The following BMP2K variants were observed in gnomAD, a reference collection of about 807,000 sequenced individuals.
BMP2K encodes the protein BMP2 inducible kinase.
Under a neutral mutation model 116.0 loss-of-function variants are expected in BMP2K, and 74 were observed. The observed-to-expected ratio is 0.64, with a 90% CI of 0.53 to 0.77. The LOEUF (loss-of-function observed/expected upper bound fraction) is 0.77, where lower values mean the gene tolerates loss of function less well. Among genes scored for constraint, BMP2K ranks in the 30% least tolerant of loss-of-function variants. BMP2K has a pLI of 0.00. For missense variants in BMP2K, 1,365 were observed against 1,403.6 expected, an observed-to-expected ratio of 0.97 and a Z score of 0.44; for synonymous variants, 486 against 502.5, an observed-to-expected ratio of 0.97 and a Z score of 0.44.
intron 13 of BMP2K, among the ~76,000 whole-genome samples, chr4:78,876,955 T>TATATGTTTAGC (rs1317731662): frequency 2.0e-5 from 3 of 152,206 alleles, no homozygotes; most frequent in Non-Finnish European, 4.4e-5. Context: ...AGCATGTTAC[T>TATATGTTTAGC]ATATTTAGTA....
chr4:78,871,789 TA>T, intron 11 of BMP2K, 60 bp from the exon 12 acceptor site: 6 of 1,142,324 alleles, frequency 5.3e-6, no homozygotes, highest in Non-Finnish European at 7.8e-6. Flanking sequence ...ATCAATACTT[TA>T]AAAAAGGGCT....
At chr4:78,888,194 T>A (rs1733207329) in intron 15 of BMP2K, 1 of 152,202 alleles carries the variant, frequency 6.6e-6, no homozygotes, top group Admixed American at 6.5e-5. Context: ...TACTCCATAT[T>A]TTTCTCTTTG....
intron 15 of BMP2K, among the ~76,000 whole-genome samples, chr4:78,908,896 T>C (rs192203545): frequency 3.3e-5 from 5 of 152,248 alleles, no homozygotes; most frequent in Non-Finnish European, 7.4e-5. Flanking sequence ...CTTTTCTTTC[T>C]GTTAATGGTG....
chr4:78,904,006 G>A (rs1734155106), intron 15 of BMP2K, among the ~76,000 whole-genome samples: 1 of 151,904 alleles, frequency 6.6e-6, no homozygotes, highest in Non-Finnish European at 1.5e-5. Context: ...CGTATAAAAA[G>A]ATGTTGGACT....
intron 15 of BMP2K, among the ~76,000 whole-genome samples, chr4:78,889,689 G>A (rs998782549): frequency 8.5e-5 from 13 of 152,276 alleles, no homozygotes; most frequent in African/African-American, 3.1e-4. Context: ...AGCATCTGGA[G>A]ATTTCTAGGA....
At chr4:78,786,987 C>CA (rs1167562108) in intron 1 of BMP2K, among the ~76,000 whole-genome samples, 3 of 152,128 alleles carry the variant, frequency 2.0e-5, no homozygotes, top group Non-Finnish European at 4.4e-5. Context: ...CTCCTGGCCT[C>CA]AAGTGGTCCT....
At chr4:78,893,279 T>C (rs977855490) in intron 15 of BMP2K, among the ~76,000 whole-genome samples, 1 of 152,208 alleles carries the variant, frequency 6.6e-6, no homozygotes, top group African/African-American at 2.4e-5. Flanking sequence ...ACTGCAACAA[T>C]TCAGTCACAT....
At chr4:78,802,419 C>T (rs888708916) in intron 1 of BMP2K, among the ~76,000 whole-genome samples, 9 of 152,182 alleles carry the variant, frequency 5.9e-5, no homozygotes, top group African/African-American at 1.4e-4. Context: ...TAATCTGCCA[C>T]GTTTCTAGGA....
intron 3 of BMP2K, among the ~76,000 whole-genome samples, chr4:78,839,247 G>A (rs191060342): frequency 2.8e-4 from 42 of 152,170 alleles, no homozygotes; most frequent in Non-Finnish European, 5.1e-4. Flanking sequence ...TCTGCTTCAC[G>A]TGTCCGTCAT....
intron 1 of BMP2K, among the ~76,000 whole-genome samples, chr4:78,791,673 A>G (rs933518983): frequency 2.0e-5 from 3 of 152,158 alleles, no homozygotes; most frequent in Non-Finnish European, 2.9e-5. Context: ...TGACTATTCT[A>G]GGTATCTTAT....
intron 1 of BMP2K, among the ~76,000 whole-genome samples, chr4:78,778,917 A>G (rs1727374254): frequency 6.6e-6 from 1 of 152,226 alleles, no homozygotes; most frequent in Admixed American, 6.5e-5. Flanking sequence ...ACCAAAGCAC[A>G]GACTTGGTAG....
intron 15 of BMP2K, among the ~76,000 whole-genome samples, chr4:78,905,287 A>G (rs1165908006): frequency 2.0e-5 from 3 of 151,948 alleles, no homozygotes; most frequent in Non-Finnish European, 2.9e-5. Context: ...TTCCTAAGAT[A>G]ATAAAAAAGC....
intron 4 of BMP2K, among the ~76,000 whole-genome samples, chr4:78,843,765 T>A (rs996599539): frequency 6.6e-6 from 1 of 151,734 alleles, no homozygotes; most frequent in Admixed American, 6.6e-5. Flanking sequence ...CCCCTAATAA[T>A]TTGATACCAT....
intron 13 of BMP2K, 49 bp from the exon 14 acceptor site, chr4:78,878,685 T>G: frequency 7.0e-7 from 1 of 1,435,144 alleles, no homozygotes; most frequent in East Asian, 2.4e-5. Flanking sequence ...TTTTATTTAT[T>G]TTAATTTTTC....
At chr4:78,833,448 A>G in intron 2 of BMP2K, 134 bp from the exon 3 acceptor site, 1 of 520,370 alleles carries the variant, frequency 1.9e-6, no homozygotes, top group Non-Finnish European at 3.2e-6. Context: ...CTTGCTTGAA[A>G]TATGTTAGAT....
At chr4:78,812,493 CTG>C (rs770179699) in intron 1 of BMP2K, among the ~76,000 whole-genome samples, 4 of 152,202 alleles carry the variant, frequency 2.6e-5, no homozygotes, top group Non-Finnish European at 5.9e-5. Flanking sequence ...ATGTCCAAAA[CTG>C]TGCTGTTGAT....
At chr4:78,799,941 C>A (rs72659097) in intron 1 of BMP2K, among the ~76,000 whole-genome samples, 1 of 151,950 alleles carries the variant, frequency 6.6e-6, no homozygotes, top group Non-Finnish European at 1.5e-5. Flanking sequence ...CAGATTTAGT[C>A]GATGGAATAT....
chr4:78,891,829 A>G (rs1396327644), intron 15 of BMP2K, among the ~76,000 whole-genome samples: 1 of 152,164 alleles, frequency 6.6e-6, no homozygotes, highest in Non-Finnish European at 1.5e-5. Context: ...AAGTTTGCTT[A>G]TTAGATACAG....
chr4:78,876,056 A>G (rs1732616363), intron 13 of BMP2K, among the ~76,000 whole-genome samples: 1 of 152,328 alleles, frequency 6.6e-6, no homozygotes, highest in East Asian at 1.9e-4. Context: ...GATAACTTGT[A>G]GACATTTTTT....
Sources: gnomAD v4.1 joint callset for allele counts (sites outside exome capture counted in the v4.1 genomes callset) on GRCh38, gnomAD v4.1.1 for gene constraint, MANE v1.5 for transcripts, NCBI Gene and HGNC (gene_info 2026-07-23, HGNC 2026-07-21) for gene names.